The following STK3 variants were observed in gnomAD, a reference collection of about 807,000 sequenced individuals.
STK3 encodes serine/threonine-protein kinase 3.
In STK3, 41 loss-of-function variants were observed where a neutral mutation model predicts 58.0. That is an observed-to-expected ratio of 0.71 (90% CI 0.55 to 0.92). The LOEUF (loss-of-function observed/expected upper bound fraction) is 0.92, where lower values mean the gene tolerates loss of function less well. STK3 is among the 40% of genes least tolerant of loss of function. The pLI is 0.00. For missense variants in STK3, 479 were observed against 602.7 expected (o/e 0.79, Z 2.15); for synonymous variants, 170 against 191.0 (o/e 0.89, Z 0.91).
At chr8:98,711,588 A>G (rs566078536) in intron 4 of STK3, among the ~76,000 whole-genome samples, 224 of 152,328 alleles carry the variant, frequency 1.5e-3, no homozygotes, top group Non-Finnish European at 2.6e-3. Context: ...TAGAGAAAAA[A>G]GAATAAAAAG....
chr8:98,611,364 T>C (rs772466312), intron 6 of STK3, among the ~76,000 whole-genome samples: 1 of 151,798 alleles, frequency 6.6e-6, no homozygotes, highest in Non-Finnish European at 1.5e-5. Context: ...CACAGACATA[T>C]ATACATACAT....
At chr8:98,496,808 G>GCCC (rs1336803541) in intron 10 of STK3, among the ~76,000 whole-genome samples, 1 of 152,098 alleles carries the variant, frequency 6.6e-6, no homozygotes, top group East Asian at 1.9e-4. Flanking sequence ...GTTGCCAGGG[G>GCCC]CTGATGGGAA....
intron 9 of STK3, among the ~76,000 whole-genome samples, chr8:98,543,454 A>G (rs530409599): frequency 6.6e-6 from 1 of 152,254 alleles, no homozygotes; most frequent in Non-Finnish European, 1.5e-5. Flanking sequence ...GACTTGCACT[A>G]AAGAAATGCA....
chr8:98,351,243 A>G, the STK3 span, among the ~76,000 whole-genome samples: 2 of 152,344 alleles, frequency 1.3e-5, no homozygotes, highest in East Asian at 3.9e-4. Context: ...ATTCGTGTAG[A>G]GCATTAAATA....
At chr8:98,387,374 T>A (rs1817800899) in intron 1 of STK3, among the ~76,000 whole-genome samples, 1 of 152,244 alleles carries the variant, frequency 6.6e-6, no homozygotes, top group Non-Finnish European at 1.5e-5. Flanking sequence ...CACGTCATTT[T>A]AAACTTGAAT....
intron 4 of STK3, chr8:98,722,980 AC>A: frequency 2.4e-6 from 1 of 420,584 alleles, no homozygotes; most frequent in African/African-American, 2.1e-5. Flanking sequence ...CTTAAAACAA[AC>A]AAAAAAAAAA....
At chr8:98,933,412 T>C (rs541712995) in intron 1 of STK3, among the ~76,000 whole-genome samples, 2 of 152,296 alleles carry the variant, frequency 1.3e-5, no homozygotes, top group Admixed American at 6.5e-5. Context: ...TCTGCACAAA[T>C]TGTGCACATT....
At chr8:98,849,182 C>T (rs1299287808) in intron 3 of STK3, among the ~76,000 whole-genome samples, 1 of 149,090 alleles carries the variant, frequency 6.7e-6, no homozygotes, top group African/African-American at 2.5e-5. Context: ...GCCGAGATCA[C>T]GCCACTGCAC....
intron 7 of STK3, among the ~76,000 whole-genome samples, chr8:98,581,903 GA>G (rs1361311059): frequency 2.0e-5 from 3 of 152,020 alleles, no homozygotes; most frequent in African/African-American, 7.2e-5. Flanking sequence ...AGGAAGTATA[GA>G]GAAAAATATG....
intron 3 of STK3, among the ~76,000 whole-genome samples, chr8:98,760,589 G>T (rs953909304): frequency 1.3e-5 from 2 of 152,124 alleles, no homozygotes; most frequent in African/African-American, 4.8e-5. Flanking sequence ...CCAATCATGA[G>T]CCACATTCTA....
chr8:98,402,795 G>A (rs1209809529), intron 3 of STK3, among the ~76,000 whole-genome samples: 2 of 152,164 alleles, frequency 1.3e-5, no homozygotes, highest in African/African-American at 2.4e-5. Flanking sequence ...CCCTGGGGAG[G>A]AGCCTGCAGT....
intron 3 of STK3, among the ~76,000 whole-genome samples, chr8:98,831,884 G>A (rs1454728741): frequency 6.6e-6 from 1 of 152,090 alleles, no homozygotes; most frequent in Non-Finnish European, 1.5e-5. Flanking sequence ...TGAACCTCTT[G>A]GGAATAAGGA....
intron 6 of STK3, among the ~76,000 whole-genome samples, chr8:98,679,964 AG>A (rs1200548171): frequency 6.6e-6 from 1 of 152,200 alleles, no homozygotes; most frequent in Non-Finnish European, 1.5e-5. Context: ...AACAAAGGTA[AG>A]GTACCCTGAG....
At chr8:98,641,819 T>C (rs1255782992) in intron 6 of STK3, among the ~76,000 whole-genome samples, 1 of 152,160 alleles carries the variant, frequency 6.6e-6, no homozygotes, top group African/African-American at 2.4e-5. Context: ...AGGAGTATAA[T>C]TCTCTCTGCC....
the STK3 span, among the ~76,000 whole-genome samples, chr8:98,353,884 A>G: frequency 6.6e-6 from 1 of 151,622 alleles, no homozygotes. Context: ...CTGGGCAGAC[A>G]GAAATAATAG....
chr8:98,368,401 T>G (rs368446624), downstream of STK3, among the ~76,000 whole-genome samples: 34 of 152,246 alleles, frequency 2.2e-4, no homozygotes, highest in East Asian at 6.4e-3. Flanking sequence ...TTAAGAAGAA[T>G]GAGACATCCA....
intron 6 of STK3, among the ~76,000 whole-genome samples, chr8:98,654,568 T>G (rs1216674840): frequency 4.6e-5 from 7 of 152,322 alleles, no homozygotes; most frequent in African/African-American, 1.7e-4. Flanking sequence ...ATGACATGAT[T>G]GGATATCTAG....
chr8:98,411,339 C>T (rs778316035), intron 3 of STK3, among the ~76,000 whole-genome samples: 1 of 152,256 alleles, frequency 6.6e-6, no homozygotes, highest in Non-Finnish European at 1.5e-5. Context: ...AACAACTAGG[C>T]TGCATAACTC....
chr8:98,360,564 T>C, the STK3 span, among the ~76,000 whole-genome samples: 2 of 152,022 alleles, frequency 1.3e-5, no homozygotes, highest in African/African-American at 2.4e-5. Flanking sequence ...AACAGTAAGA[T>C]CTATTTTTAA....
Sources: gnomAD v4.1 joint callset for allele counts (sites outside exome capture counted in the v4.1 genomes callset) on GRCh38, gnomAD v4.1.1 for gene constraint, MANE v1.5 for transcripts, NCBI Gene and HGNC (gene_info 2026-07-23, HGNC 2026-07-21) for gene names.